The following ANKIB1 variants were observed in gnomAD, a reference collection of about 807,000 sequenced individuals.
The protein encoded by ANKIB1 is ankyrin repeat and IBR domain containing 1.
ANKIB1 carries 43 observed loss-of-function variants against 122.1 expected under a neutral mutation model. That is an observed-to-expected ratio of 0.35 (90% CI 0.28 to 0.45). The LOEUF (loss-of-function observed/expected upper bound fraction) is 0.45, where lower values mean the gene tolerates loss of function less well. Among genes scored for constraint, ANKIB1 ranks in the 20% least tolerant of loss-of-function variants. The pLI is 1.00. For missense variants in ANKIB1, 992 were observed against 1,329.5 expected (o/e 0.75, Z 3.95); for synonymous variants, 390 against 442.0 (o/e 0.88, Z 1.48).
chr7:92,390,182 G>T, intron 15 of ANKIB1, 66 bp downstream of exon 15: 1 of 1,198,960 alleles, frequency 8.3e-7, no homozygotes, highest in South Asian at 1.8e-5. Flanking sequence ...TTTCATTTTT[G>T]AAACCACTTG....
chr7:92,325,919 T>G, intron 4 of ANKIB1: 1 of 442,080 alleles, frequency 2.3e-6, no homozygotes, highest in Non-Finnish European at 4.5e-6. Context: ...TTTTCTTTCT[T>G]TATGTCAGTA....
intron 5 of ANKIB1, among the ~76,000 whole-genome samples, chr7:92,334,499 T>A (rs1411868311): frequency 1.3e-5 from 2 of 151,988 alleles, no homozygotes; most frequent in Non-Finnish European, 2.9e-5. Flanking sequence ...GTTTCCTGAT[T>A]TAGGTATGAA....
chr7:92,285,203 TGG>T (rs1802094523), intron 1 of ANKIB1, among the ~76,000 whole-genome samples: 1 of 152,036 alleles, frequency 6.6e-6, no homozygotes, highest in Non-Finnish European at 1.5e-5. Flanking sequence ...TTTTAGTAGA[TGG>T]GGTTTCACCA....
intron 14 of ANKIB1, among the ~76,000 whole-genome samples, chr7:92,389,644 C>A (rs1400174741): frequency 1.3e-5 from 2 of 152,102 alleles, no homozygotes; most frequent in Non-Finnish European, 2.9e-5. Context: ...AGCCTAGAAC[C>A]TTTTGGTTGA....
chr7:92,310,075 T>C (rs1022647038), intron 3 of ANKIB1, among the ~76,000 whole-genome samples: 20 of 151,400 alleles, frequency 1.3e-4, no homozygotes, highest in Admixed American at 2.0e-4. Context: ...TTTCAAAAAA[T>C]TGAGAGTGGT....
Position 92,350,883 on chromosome 7 carries a change from A to G in ANKIB1, c.1086-67A>G. ...AAAAAAAAAAGGAAAGAAAAAGGAA[A>G]ATTCTTAGAATGTATGCACAACTTA... On this transcript the variant is annotated intron_variant, in intron 7 of 19. Coordinates refer to ENST00000265742, the MANE Select transcript of ANKIB1 (RefSeq NM_019004.2). 4 of 1,453,602 alleles carry G rather than the reference A, an allele frequency of 2.8e-6. No individual in the cohort carries two copies. The South Asian group carries it at 4.4e-5, about 16-fold the overall frequency. The allele number at this position is 1,453,602 out of a possible 1,614,324, so 90.0% of individuals were successfully genotyped here.
intron 17 of ANKIB1, among the ~76,000 whole-genome samples, chr7:92,394,369 A>T (rs934237430): frequency 4.6e-5 from 7 of 152,226 alleles, no homozygotes; most frequent in African/African-American, 1.7e-4. Flanking sequence ...TGAAGATCTT[A>T]GGAATCCTTG....
rs1430666306 is a variant in ANKIB1, at chr7:92,398,279, C to CTTGCAG, written c.2601_2602insTGCAGT (p.Ser867_Gly868insCysSer). ...GCAATACAGTTATCACTGCAAGAGT[C>CTTGCAG]TGGGCTGGCCCTCGATGAAGAAACT... On this transcript the variant is annotated inframe_insertion, in exon 20 of 20. Transcript: ENST00000265742. 1 of 1,613,790 alleles carries CTTGCAG rather than the reference C, an allele frequency of 6.2e-7. No homozygotes were observed. The highest frequency in any genetic ancestry group is 8.5e-7 in the Non-Finnish European group (1 of 1,179,816).
chr7:92,250,240 A>G (rs1226750458), intron 1 of ANKIB1, among the ~76,000 whole-genome samples: 1 of 151,976 alleles, frequency 6.6e-6, no homozygotes, highest in Non-Finnish European at 1.5e-5. Flanking sequence ...CTAAAAATGC[A>G]AAATTAGCCG....
intron 2 of ANKIB1, among the ~76,000 whole-genome samples, chr7:92,306,984 T>G (rs1272469107): frequency 1.3e-5 from 2 of 152,216 alleles, no homozygotes; most frequent in Non-Finnish European, 2.9e-5. Flanking sequence ...TGTGGAATGC[T>G]TAATACACCC....
chr7:92,359,832 A>G (rs572180925), intron 9 of ANKIB1, among the ~76,000 whole-genome samples: 2 of 152,312 alleles, frequency 1.3e-5, no homozygotes, highest in South Asian at 2.1e-4. Context: ...GTAATAGCAC[A>G]CTATAGCCTC....
intron 1 of ANKIB1, among the ~76,000 whole-genome samples, chr7:92,270,048 A>G (rs1801753897): frequency 6.7e-6 from 1 of 150,136 alleles, no homozygotes; most frequent in African/African-American, 2.5e-5. Flanking sequence ...GAGTGAGAAC[A>G]GTTTCTGGTC....
At chr7:92,396,783 C>T (rs555783099) in intron 18 of ANKIB1, among the ~76,000 whole-genome samples, 1 of 152,182 alleles carries the variant, frequency 6.6e-6, no homozygotes, top group East Asian at 1.9e-4. Flanking sequence ...CTTATAGGCT[C>T]ATTGTGAGTA....
chr7:92,382,456 G>A (rs1036587445), intron 11 of ANKIB1, among the ~76,000 whole-genome samples: 17 of 152,014 alleles, frequency 1.1e-4, no homozygotes, highest in African/African-American at 2.2e-4. Flanking sequence ...GCACCACATC[G>A]CACTTGTTCC....
At chr7:92,266,760 C>T (rs892696722) in intron 1 of ANKIB1, among the ~76,000 whole-genome samples, 2 of 152,076 alleles carry the variant, frequency 1.3e-5, no homozygotes, top group Admixed American at 6.5e-5. Context: ...GAGAAGTTGC[C>T]GACAGGAAGG....
intron 9 of ANKIB1, among the ~76,000 whole-genome samples, chr7:92,354,995 G>A (rs1485704520): frequency 6.6e-6 from 1 of 152,176 alleles, no homozygotes; most frequent in Non-Finnish European, 1.5e-5. Context: ...AAACAGTTGA[G>A]CCATACCCAG....
chr7:92,386,462 T>A, intron 11 of ANKIB1, 47 bp from the exon 12 acceptor site: 1 of 1,509,126 alleles, frequency 6.6e-7, no homozygotes, highest in Non-Finnish European at 8.8e-7. Context: ...GAAAATAATT[T>A]GCATATTAAT....
rs771047038 is a variant in ANKIB1 at position 92,246,516 on chromosome 7, A to G, written c.-94A>G. ...GACCCTTACCCTCAGCGAGAGAAGTAACCGTAAGTCTCAGCTTCGCGGTAC... is the reference window on the plus strand; with the variant it reads ...GACCCTTACCCTCAGCGAGAGAAGTGACCGTAAGTCTCAGCTTCGCGGTAC... On this transcript the variant is annotated 5_prime_UTR_variant, in exon 1 of 20. Transcript: ENST00000265742. 3.9e-6 allele frequency: 2 copies of G among 518,406 alleles called. No homozygotes were observed. The highest frequency in any genetic ancestry group is 7.7e-6 in the Non-Finnish European group (2 of 259,808). 32.1% of individuals were successfully genotyped at this position (518,406 alleles called of 1,614,324 possible).
chr7:92,399,067 G>C lies in ANKIB1; in HGVS notation c.*118G>C. Reference sequence around the variant, plus strand: ...ACTCAGTGATAAACCACTGACATTAGGGTTGAATACAGAGAAGTTCCCTTG... The same window carrying C: ...ACTCAGTGATAAACCACTGACATTACGGTTGAATACAGAGAAGTTCCCTTG... On this transcript the variant is annotated 3_prime_UTR_variant, in exon 20 of 20. Transcript: ENST00000265742. The C allele has an allele frequency of 8.3e-7, 1 of 1,197,950 alleles. No individual in the cohort carries two copies. Among genetic ancestry groups the C allele is most frequent in the Non-Finnish European group, 1.1e-6 (1 of 900,542 alleles). The allele number at this position is 1,197,950 out of a possible 1,614,324, so 74.2% of individuals were successfully genotyped here. A position where few individuals can be genotyped will look rare whatever the true frequency, so the allele number is the denominator to read the frequency against.
Sources: allele counts gnomAD v4.1 joint callset (sites outside exome capture counted in the v4.1 genomes callset), GRCh38; gene constraint gnomAD v4.1.1; transcripts MANE v1.5; gene names NCBI Gene and HGNC (gene_info 2026-07-23, HGNC 2026-07-21).